The following MYT1L variants were observed in gnomAD, a reference collection of about 807,000 sequenced individuals.
MYT1L encodes myelin transcription factor 1 like, also known as myelin transcription factor 1-like protein.
MYT1L carries 12 observed loss-of-function variants against 126.7 expected under a neutral mutation model. The observed-to-expected ratio is 0.09, with a 90% confidence interval of 0.06 to 0.15. MYT1L has a LOEUF of 0.15. Ranked by LOEUF, MYT1L falls within the 10% of genes least tolerant of loss-of-function variation. MYT1L has a pLI of 1.00. For missense variants in MYT1L, 979 were observed against 1,585.2 expected (o/e 0.62, Z 6.49); for synonymous variants, 541 against 604.2 (o/e 0.90, Z 1.53).
At chr2:1,800,784 C>T (rs559664255) in intron 23 of MYT1L, among the ~76,000 whole-genome samples, 15 of 152,124 alleles carry the variant, frequency 9.9e-5, no homozygotes, top group Non-Finnish European at 1.5e-4. Context: ...CCATCCTCAT[C>T]TCCATCCAGT....
chr2:2,166,858 T>C (rs1286905557), intron 3 of MYT1L, among the ~76,000 whole-genome samples: 1 of 152,172 alleles, frequency 6.6e-6, no homozygotes, highest in Non-Finnish European at 1.5e-5. Flanking sequence ...AATACATATG[T>C]TTGTGCGAAG....
At chr2:2,275,088 T>C (rs536048471) in intron 2 of MYT1L, among the ~76,000 whole-genome samples, 2 of 152,126 alleles carry the variant, frequency 1.3e-5, no homozygotes, top group South Asian at 2.1e-4. Flanking sequence ...GGACCACAGC[T>C]GGAGAGTGCT....
Position 2,102,832 on chromosome 2 carries a change from T to C in MYT1L, c.-303-48709A>G, listed in dbSNP as rs182425441. 1.3e-3 allele frequency among the ~76,000 whole-genome samples: 194 copies of C among 152,114 alleles called. 1 individual carries two copies. The highest frequency in any genetic ancestry group is 4.0e-3 in the African/African-American group (168 of 41,490). Reference sequence around the variant, plus strand: ...TAACTTCAGCCCACACCTATTAGAATAGCCAAGATATTGCTCCAGTAGAAT... The same window carrying C: ...TAACTTCAGCCCACACCTATTAGAACAGCCAAGATATTGCTCCAGTAGAAT... On this transcript the variant is annotated intron_variant, in intron 3 of 24. Transcript: ENST00000647738.
chr2:2,106,364 C>T (rs767736799), intron 3 of MYT1L, among the ~76,000 whole-genome samples: 1 of 152,138 alleles, frequency 6.6e-6, no homozygotes. Context: ...GTAATCTCAG[C>T]ACTGTAGGAG....
intron 18 of MYT1L, among the ~76,000 whole-genome samples, chr2:1,864,485 C>G (rs1276871212): frequency 6.6e-6 from 1 of 152,196 alleles, no homozygotes; most frequent in African/African-American, 2.4e-5. Flanking sequence ...CCTATTGGCT[C>G]CCGTTCAACA....
At chr2:2,071,878 T>G (rs1378162189) in intron 3 of MYT1L, among the ~76,000 whole-genome samples, 2 of 151,952 alleles carry the variant, frequency 1.3e-5, no homozygotes, top group African/African-American at 4.8e-5. Flanking sequence ...AGAACAGAGG[T>G]GTACAGAGAC....
At chr2:2,140,426 CTTTT>C (rs1287890129) in intron 3 of MYT1L, among the ~76,000 whole-genome samples, 12 of 133,420 alleles carry the variant, frequency 9.0e-5, no homozygotes, top group Non-Finnish European at 1.3e-4. Flanking sequence ...TTTTTTCTTT[CTTTT>C]TCTTTTTTTT....
At chr2:2,074,202 G>A (rs984492519) in intron 3 of MYT1L, among the ~76,000 whole-genome samples, 1 of 152,128 alleles carries the variant, frequency 6.6e-6, no homozygotes, top group Non-Finnish European at 1.5e-5. Flanking sequence ...CAGAGCCTGG[G>A]TCAGTTAAAG....
chr2:2,198,874 A>G (rs149177851), intron 2 of MYT1L, among the ~76,000 whole-genome samples: 1 of 152,166 alleles, frequency 6.6e-6, no homozygotes, highest in Non-Finnish European at 1.5e-5. Context: ...ATTAACTAAT[A>G]AAAATACCAT....
chr2:1,817,877 C>T lies in MYT1L; in HGVS notation c.3081-8710G>A, dbSNP rs573582806. Among the ~76,000 whole-genome samples the T allele has an allele frequency of 3.3e-5, 5 of 152,338 alleles. No homozygotes were observed. In the South Asian group the frequency reaches 1.0e-3, roughly 32 times the overall value. The stretch of plus-strand genomic sequence containing the variant: ...GCGGCCTGTTACAGAAACGCTTCTC[C>T]AATTAAAGTCAAGTGCTGCTGAGTG... On this transcript the variant is annotated intron_variant, in intron 21 of 24. Coordinates refer to ENST00000647738, the MANE Select transcript of MYT1L (RefSeq NM_001303052.2).
chr2:2,119,886 G>A (rs1182566305), intron 3 of MYT1L, among the ~76,000 whole-genome samples: 3 of 151,602 alleles, frequency 2.0e-5, no homozygotes, highest in African/African-American at 7.3e-5. Context: ...GCTATCTTAC[G>A]TCACTTACAA....
At chr2:2,140,378 T>G (rs1025424531) in intron 3 of MYT1L, among the ~76,000 whole-genome samples, 1 of 152,022 alleles carries the variant, frequency 6.6e-6, no homozygotes, top group African/African-American at 2.4e-5. Flanking sequence ...TTGTAGAAAT[T>G]TGCTCTTTTT....
intron 2 of MYT1L, among the ~76,000 whole-genome samples, chr2:2,241,275 T>TTGTG (rs35742332): frequency 1.0e-3 from 157 of 150,850 alleles, no homozygotes; most frequent in Middle Eastern, 3.4e-3. Flanking sequence ...AATACATCTT[T>TTGTG]TGTGTGTGTG....
chr2:2,228,315 GATA>G lies in MYT1L; in HGVS notation c.-420-55330_-420-55328del, dbSNP rs1490970257. ...ATATGACTTTCAAATTGGCAAAGGT[GATA>G]ATATTAAAAACCTGTGCAACAGGAT... On this transcript the variant is annotated intron_variant, in intron 2 of 24. Coordinates refer to ENST00000647738, the MANE Select transcript of MYT1L (RefSeq NM_001303052.2). The surrounding 1 kb of genome is among the most constrained non-coding windows in gnomAD (Gnocchi z 5.9). Among the ~76,000 whole-genome samples, 3 of 152,142 alleles carry G rather than the reference GATA, an allele frequency of 2.0e-5. No homozygotes were observed. Among genetic ancestry groups the G allele is most frequent in the African/African-American group, 4.8e-5 (2 of 41,452 alleles).
intron 2 of MYT1L, among the ~76,000 whole-genome samples, chr2:2,259,262 G>A (rs2094897063): frequency 9.2e-6 from 1 of 108,858 alleles, no homozygotes; most frequent in African/African-American, 3.9e-5. Context: ...GGGGAGGGGG[G>A]AGGGATAGCA....
intron 23 of MYT1L, among the ~76,000 whole-genome samples, chr2:1,794,493 C>T (rs1434059713): frequency 6.6e-6 from 1 of 152,158 alleles, no homozygotes; most frequent in African/African-American, 2.4e-5. Context: ...TCTTAGGGGC[C>T]CAGAGTAAAC....
intron 23 of MYT1L, among the ~76,000 whole-genome samples, chr2:1,797,930 CT>C (rs1391554650): frequency 1.2e-4 from 4 of 34,040 alleles, no homozygotes; most frequent in Non-Finnish European, 2.5e-4. Flanking sequence ...CGGTCTCCCC[CT>C]TCTCCGGCAC....
chr2:2,112,232 A>G (rs1559045498), intron 3 of MYT1L, among the ~76,000 whole-genome samples: 1 of 152,198 alleles, frequency 6.6e-6, no homozygotes, highest in Non-Finnish European at 1.5e-5. Context: ...TCTCTATCGA[A>G]GCTCACAGCA....
At chr2:1,964,424 G>A (rs187923828) in intron 8 of MYT1L, among the ~76,000 whole-genome samples, 1 of 152,330 alleles carries the variant, frequency 6.6e-6, no homozygotes, top group East Asian at 1.9e-4. Flanking sequence ...TGATGGACTT[G>A]TATGGTCAGG....
Sources: gnomAD v4.1 joint callset for allele counts (sites outside exome capture counted in the v4.1 genomes callset) on GRCh38, gnomAD v4.1.1 for gene constraint, Gnocchi (gnomAD v3.1) non-coding constraint, MANE v1.5 for transcripts, NCBI Gene and HGNC (gene_info 2026-07-23, HGNC 2026-07-21) for gene names.